Variants in TBL1X observed in about 807,000 individuals in gnomAD.
TBL1X encodes transducin beta like 1 X-linked.
In TBL1X, 10 loss-of-function variants were observed where a neutral mutation model predicts 50.7. The observed-to-expected ratio is 0.20, with a 90% CI of 0.12 to 0.33. The LOEUF (loss-of-function observed/expected upper bound fraction) is 0.33. Ranked by LOEUF, TBL1X falls within the 10% of genes least tolerant of loss-of-function variation. The pLI, the probability that TBL1X is intolerant of heterozygous loss-of-function variation, is 1.00. For synonymous variants in TBL1X, 190 were observed against 214.7 expected, an observed-to-expected ratio of 0.88 and a Z score of 1.01; for missense variants, 340 against 504.4, an observed-to-expected ratio of 0.67 and a Z score of 3.12.
intron 2 of TBL1X, among the ~76,000 whole-genome samples, chrX:9,607,596 C>G (rs1317470288): frequency 1.8e-5 from 2 of 112,306 alleles, no homozygotes; most frequent in Non-Finnish European, 3.8e-5. Context: ...AGCTTGTGGC[C>G]CTGGCCCTGA....
chrX:9,688,210 A>G lies in TBL1X; in HGVS notation c.551A>G (p.His184Arg). 1.7e-6 allele frequency: 2 copies of G among 1,199,831 alleles called. No homozygotes were observed. The highest frequency in any genetic ancestry group is 3.6e-5 in the South Asian group (2 of 55,170). The change falls in exon 7 of 18, where the codon CAC becomes CGC. Residue 184 changes from histidine to arginine, a missense_variant. Physicochemically the swap from His to Arg is conservative, Grantham distance 29. This residue lies in a region of TBL1X where 99 missense variants were observed against 93.3 expected (regional missense o/e 1.06). Transcript: ENST00000645353. ...AATTTSAGVS[H>R]QNPSKNREAT... ...ACCACGACCTCAGCCGGCGTTTCCC[A>G]CCAAAATCCATCGAAGAACAGAGAG... is the stretch of plus-strand genomic sequence containing the variant.
chrX:9,638,081 T>C (rs199873471), intron 2 of TBL1X, among the ~76,000 whole-genome samples: 5 of 111,626 alleles, frequency 4.5e-5, no homozygotes, highest in Non-Finnish European at 9.4e-5. Flanking sequence ...CCTACTTTCT[T>C]TGGAGAAGCA....
chrX:9,527,898 G>GCTCCCGCC (rs2146970479), intron 2 of TBL1X, among the ~76,000 whole-genome samples: 1 of 110,908 alleles, frequency 9.0e-6, no homozygotes, highest in South Asian at 3.9e-4. Flanking sequence ...ATCCTCCCAT[G>GCTCCCGCC]TCAGCCTCCC....
intron 5 of TBL1X, 88 bp downstream of exon 5, chrX:9,654,410 T>TACA: frequency 1.2e-6 from 1 of 825,094 alleles, no homozygotes; most frequent in Non-Finnish European, 1.7e-6. Flanking sequence ...AACCAGGCTG[T>TACA]AGAAGAAGAA....
intron 2 of TBL1X, among the ~76,000 whole-genome samples, chrX:9,511,991 G>T (rs2082058130): frequency 9.0e-6 from 1 of 111,677 alleles, no homozygotes; most frequent in Non-Finnish European, 1.9e-5. Flanking sequence ...CTCCCAAGTA[G>T]TTGGGATTAC....
intron 1 of TBL1X, among the ~76,000 whole-genome samples, chrX:9,490,586 T>C (rs1416706383): frequency 8.9e-6 from 1 of 112,106 alleles, no homozygotes; most frequent in Non-Finnish European, 1.9e-5. Context: ...TTGAGAACCA[T>C]GTCTTGCAAG....
rs771305691 is a variant in TBL1X, at chrX:9,713,030, T to C, written c.1605+1254T>C. Reference sequence around the variant, plus strand: ...TGGCTTGGTTGACATTCAGGTGGATTTATACCCTCAAGTTCATTCCCCCTG... The same window carrying C: ...TGGCTTGGTTGACATTCAGGTGGATCTATACCCTCAAGTTCATTCCCCCTG... On this transcript the variant is annotated intron_variant, in intron 16 of 17. Transcript: ENST00000645353. 8.1e-5 allele frequency among the ~76,000 whole-genome samples: 9 copies of C among 111,302 alleles called. No individual in the cohort carries two copies. In the South Asian group the frequency reaches 3.4e-3, roughly 42 times the overall value.
Position 9,617,619 on chromosome X carries a change from T to G in TBL1X, c.-130-22654T>G, listed in dbSNP as rs745767389. ...ACCCAGAGAGTGGGGACATGAGGGT[T>G]ATTTGTGGAGGGGATGACACAGCAG... On this transcript the variant is annotated intron_variant, in intron 2 of 17. Coordinates refer to ENST00000645353, the MANE Select transcript of TBL1X (RefSeq NM_005647.4). 4.5e-5 allele frequency among the ~76,000 whole-genome samples: 5 copies of G among 111,640 alleles called. No individual in the cohort carries two copies. The South Asian group carries it at 1.5e-3, about 34-fold the overall frequency.
intron 2 of TBL1X, among the ~76,000 whole-genome samples, chrX:9,596,287 A>G (rs950360906): frequency 3.3e-4 from 37 of 112,015 alleles, no homozygotes; most frequent in African/African-American, 1.2e-3. Flanking sequence ...TTGAGTCTAG[A>G]AGGCAAAATA....
chrX:9,670,314 G>A (rs1037060350), intron 5 of TBL1X, among the ~76,000 whole-genome samples: 1 of 110,689 alleles, frequency 9.0e-6, no homozygotes, highest in African/African-American at 3.3e-5. Context: ...CAGCATAAGA[G>A]GACAGCTACA....
chrX:9,708,358 T>C (rs1358221329), intron 13 of TBL1X, among the ~76,000 whole-genome samples: 1 of 112,439 alleles, frequency 8.9e-6, no homozygotes, highest in Non-Finnish European at 1.9e-5. Context: ...GCCTGTGTCA[T>C]GTGTGTTTGT....
In TBL1X at chrX:9,465,355, G is replaced by C. The variant is rs1022607840; in HGVS notation, c.-293G>C. The stretch of plus-strand genomic sequence containing the variant: ...GGGCGCCGGGCCCTCTTCGGCCGCC[G>C]CACGGCCGGGACTCGGAGGCTGCCG... On this transcript the variant is annotated 5_prime_UTR_variant, in exon 1 of 18. Coordinates refer to ENST00000645353, the MANE Select transcript of TBL1X (RefSeq NM_005647.4). The C allele has an allele frequency of 9.2e-6, 1 of 108,732 alleles. No homozygotes were observed. Among genetic ancestry groups the C allele is most frequent in the Non-Finnish European group, 1.9e-5 (1 of 51,579 alleles). 9.0% of individuals were successfully genotyped at this position (108,732 alleles called of 1,213,427 possible).
At position 9,697,158 on chromosome X, in the gene TBL1X, A is replaced by G. The variant is rs28489742; in HGVS notation, c.1054-211A>G. On this transcript the variant is annotated intron_variant, in intron 11 of 17. Coordinates refer to ENST00000645353, the MANE Select transcript of TBL1X (RefSeq NM_005647.4). The stretch of plus-strand genomic sequence containing the variant: ...ATATTTGGGGGCATGTTGGAGTTAA[A>G]TATAATAGATTGCTAATGAATTTTA... Among the ~76,000 whole-genome samples, 791 of 112,492 alleles carry G rather than the reference A, an allele frequency of 7.0e-3. 8 individuals carry two copies. Among genetic ancestry groups the G allele is most frequent in the African/African-American group, 0.024 (754 of 31,033 alleles).
chrX:9,581,457 C>T (rs770771447), intron 2 of TBL1X, among the ~76,000 whole-genome samples: 1 of 111,598 alleles, frequency 9.0e-6, no homozygotes, highest in Non-Finnish European at 1.9e-5. Flanking sequence ...CTCTGATGCT[C>T]ACCAGTGGGG....
chrX:9,612,419 T>C (rs988958280), intron 2 of TBL1X, among the ~76,000 whole-genome samples: 2 of 111,617 alleles, frequency 1.8e-5, no homozygotes, highest in Admixed American at 1.9e-4. Flanking sequence ...TTTATACTTT[T>C]CTAGCAGCCA....
intron 2 of TBL1X, among the ~76,000 whole-genome samples, chrX:9,625,083 T>G (rs2146572118): frequency 8.9e-6 from 1 of 112,630 alleles, no homozygotes; most frequent in South Asian, 3.6e-4. Flanking sequence ...AAGTTCCTTT[T>G]AAAAAAATGG....
chrX:9,625,866 CG>C (rs749104449), intron 2 of TBL1X, among the ~76,000 whole-genome samples: 1 of 111,642 alleles, frequency 9.0e-6, no homozygotes, highest in African/African-American at 3.3e-5. Context: ...TTGAACCCGG[CG>C]GGGGGGCGGA....
At chrX:9,651,797 A>G (rs1000014045) in intron 3 of TBL1X, among the ~76,000 whole-genome samples, 2 of 112,529 alleles carry the variant, frequency 1.8e-5, no homozygotes, top group Admixed American at 1.9e-4. Context: ...TCATCAAATT[A>G]AGCAAAGAAG....
intron 2 of TBL1X, among the ~76,000 whole-genome samples, chrX:9,553,588 G>A (rs1268519806): frequency 9.0e-6 from 1 of 111,356 alleles, no homozygotes; most frequent in East Asian, 2.8e-4. Flanking sequence ...AAAAGATCAG[G>A]GCCTGGGACT....
Sources: gnomAD v4.1 joint callset for allele counts (sites outside exome capture counted in the v4.1 genomes callset) on GRCh38, gnomAD v4.1.1 for gene constraint, gnomAD v4.1.1 regional missense constraint, MANE v1.5 for transcripts, NCBI Gene and HGNC (gene_info 2026-07-23, HGNC 2026-07-21) for gene names.